Variants in GLYR1 observed in about 807,000 individuals in gnomAD.
GLYR1 encodes glyoxylate reductase 1 homolog, also known as cytokine-like nuclear factor N-PAC.
GLYR1 carries 21 observed loss-of-function variants against 72.7 expected under a neutral mutation model. That is an observed-to-expected ratio of 0.29 (90% CI 0.20 to 0.42). The LOEUF is 0.42. Ranked by LOEUF, GLYR1 falls within the 10% of genes least tolerant of loss-of-function variation. The pLI is 1.00. For missense variants in GLYR1, 594 were observed against 712.1 expected (o/e 0.83, Z 1.89); for synonymous variants, 392 against 270.2 (o/e 1.45, Z -4.42).
At chr16:4,823,334 C>A (rs189897660) in intron 6 of GLYR1, among the ~76,000 whole-genome samples, 81 of 152,286 alleles carry the variant, frequency 5.3e-4, no homozygotes, top group Admixed American at 1.3e-3. Context: ...AAGCCCTTGG[C>A]GATCTCATCT....
chr16:4,846,413 G>A (rs2086067345), intron 1 of GLYR1, among the ~76,000 whole-genome samples: 1 of 152,218 alleles, frequency 6.6e-6, no homozygotes, highest in Admixed American at 6.5e-5. Flanking sequence ...CCATTCTTCT[G>A]TTGACAAGGA....
In GLYR1 at chr16:4,845,057, T is replaced by C. The variant is rs1666903869; in HGVS notation, c.155+17A>G. Reference sequence around the variant, plus strand: ...AGAAAGAAAGGCGAAGGGAGACTCCTGGTGAGTACTACTCACTGATCTTCT... The same window carrying C: ...AGAAAGAAAGGCGAAGGGAGACTCCCGGTGAGTACTACTCACTGATCTTCT... On this transcript the variant is annotated intron_variant, in intron 3 of 15. Coordinates refer to ENST00000321919, the MANE Select transcript of GLYR1 (RefSeq NM_032569.4). 2 of 1,558,338 alleles carry C rather than the reference T, an allele frequency of 1.3e-6. No individual in the cohort carries two copies. The highest frequency in any genetic ancestry group is 2.2e-5 in the South Asian group (2 of 89,758).
intron 15 of GLYR1, among the ~76,000 whole-genome samples, chr16:4,805,894 T>C (rs1271580510): frequency 6.6e-6 from 1 of 151,912 alleles, no homozygotes; most frequent in South Asian, 2.1e-4. Context: ...GGCAGGAGAA[T>C]AGCTTGAACC....
rs2082789157 is a variant in GLYR1 at position 4,803,214 on chromosome 16, G to T, written c.*2022C>A. On this transcript the variant is annotated 3_prime_UTR_variant, in exon 16 of 16. Transcript: ENST00000321919. ...TCCTGCGGCACAGCTGTGTTACCAA[G>T]AAGTGTTTTATTTTTCTTGCAGTAG... 1 of 152,654 alleles carries T rather than the reference G, an allele frequency of 6.6e-6. No homozygotes were observed. Among genetic ancestry groups the T allele is most frequent in the African/African-American group, 2.4e-5 (1 of 41,458 alleles). The allele number at this position is 152,654 out of a possible 1,614,324, so 9.5% of individuals were successfully genotyped here.
chr16:4,825,296 T>C (rs2084307471), intron 5 of GLYR1, among the ~76,000 whole-genome samples: 1 of 152,174 alleles, frequency 6.6e-6, no homozygotes, highest in African/African-American at 2.4e-5. Context: ...CCTCAAGTCC[T>C]ATTTCTTCCC....
chr16:4,815,901 C>G (rs1596323172), intron 10 of GLYR1, among the ~76,000 whole-genome samples: 1 of 152,148 alleles, frequency 6.6e-6, no homozygotes, highest in African/African-American at 2.4e-5. Context: ...CCTGCCTCAG[C>G]CTCCCGAGTA....
chr16:4,813,238 C>T (rs1013114188), intron 12 of GLYR1, among the ~76,000 whole-genome samples: 1 of 152,348 alleles, frequency 6.6e-6, no homozygotes, highest in South Asian at 2.1e-4. Context: ...GCTGGGATTA[C>T]AGGCGTGAGC....
chr16:4,844,648 C>G (rs1201945753), intron 3 of GLYR1, among the ~76,000 whole-genome samples: 4 of 152,192 alleles, frequency 2.6e-5, no homozygotes, highest in Non-Finnish European at 5.9e-5. Context: ...GTGGTCCCAG[C>G]TACTCGGGAG....
chr16:4,811,765 C>T lies in GLYR1; in HGVS notation c.1320G>A (p.Val440=), dbSNP rs757796810. Residue 440 remains valine, a synonymous_variant, in exon 14 of 16, where the codon GTG becomes GTA. Coordinates refer to ENST00000321919, the MANE Select transcript of GLYR1 (RefSeq NM_032569.4). ...CCATGAAGCTCCCTTGGACCATGTT[C>T]ACGATCAGCATCATCTTGGCTGCAT... The part of the protein sequence containing the change: ...VGNAAKMMLI[V]NMVQGSFMAT... 6.2e-7 allele frequency: 1 copy of T among 1,613,990 alleles called. No individual in the cohort carries two copies. Among genetic ancestry groups the T allele is most frequent in the Non-Finnish European group, 8.5e-7 (1 of 1,179,942 alleles).
chr16:4,820,767 G>A lies in GLYR1; in HGVS notation c.806+613C>T, dbSNP rs370129327. 3.9e-5 allele frequency among the ~76,000 whole-genome samples: 6 copies of A among 152,360 alleles called. No individual in the cohort carries two copies. The South Asian group carries it at 1.2e-3, about 32-fold the overall frequency. On this transcript the variant is annotated intron_variant, in intron 9 of 15. Transcript: ENST00000321919. The stretch of plus-strand genomic sequence containing the variant: ...GGTATCTTTTTGCCAACAAGACTCT[G>A]CGGAGGAGACATGCCTACAGAGCAG...
At chr16:4,843,272 AG>A in intron 3 of GLYR1, 1 of 214,638 alleles carries the variant, frequency 4.7e-6, no homozygotes, top group Non-Finnish European at 9.4e-6. Context: ...CTCGAGCCTC[AG>A]CCTCCCAAGT....
chr16:4,830,319 CA>C (rs1185099931), intron 5 of GLYR1, among the ~76,000 whole-genome samples: 1 of 151,796 alleles, frequency 6.6e-6, no homozygotes, highest in Non-Finnish European at 1.5e-5. Flanking sequence ...CTCAGCCTCC[CA>C]AAGTGCTATG....
intron 3 of GLYR1, among the ~76,000 whole-genome samples, chr16:4,842,001 G>T (rs1056452324): frequency 2.0e-5 from 3 of 152,102 alleles, no homozygotes; most frequent in African/African-American, 7.2e-5. Flanking sequence ...CAGCACTTTG[G>T]GAGGCCGAGG....
chr16:4,820,642 A>G (rs886574513), intron 9 of GLYR1, among the ~76,000 whole-genome samples: 2 of 152,218 alleles, frequency 1.3e-5, no homozygotes, highest in African/African-American at 4.8e-5. Context: ...ATATCATGTA[A>G]AAGATGCACT....
chr16:4,810,673 C>T (rs1284263390), intron 15 of GLYR1, among the ~76,000 whole-genome samples: 2 of 101,768 alleles, frequency 2.0e-5, no homozygotes, highest in Non-Finnish European at 3.6e-5. Flanking sequence ...ACCATCCTGG[C>T]TAACATGGTG....
intron 3 of GLYR1, among the ~76,000 whole-genome samples, chr16:4,840,733 A>G (rs2085490687): frequency 6.6e-6 from 1 of 152,234 alleles, no homozygotes; most frequent in South Asian, 2.1e-4. Flanking sequence ...ACAGAGGCTC[A>G]GAAAGGTGAA....
At chr16:4,836,362 T>C (rs1266576793) in intron 3 of GLYR1, among the ~76,000 whole-genome samples, 1 of 152,190 alleles carries the variant, frequency 6.6e-6, no homozygotes, top group African/African-American at 2.4e-5. Flanking sequence ...GTTTCTTTCC[T>C]TGATAGAAGC....
chr16:4,839,258 T>C (rs1007615704), intron 3 of GLYR1: 1 of 152,308 alleles, frequency 6.6e-6, no homozygotes, highest in African/African-American at 2.4e-5. Flanking sequence ...TTTAAATTTT[T>C]TATTTTTAAA....
At chr16:4,820,633 T>A (rs1345005005) in intron 9 of GLYR1, among the ~76,000 whole-genome samples, 1 of 152,208 alleles carries the variant, frequency 6.6e-6, no homozygotes, top group African/African-American at 2.4e-5. Context: ...AGTACAAAAA[T>A]ATCATGTAAA....
Sources: allele counts gnomAD v4.1 joint callset (sites outside exome capture counted in the v4.1 genomes callset), GRCh38; gene constraint gnomAD v4.1.1; transcripts MANE v1.5; gene names NCBI Gene and HGNC (gene_info 2026-07-23, HGNC 2026-07-21).